The following AMBRA1 variants were observed in gnomAD, a reference collection of about 807,000 sequenced individuals.
AMBRA1 encodes autophagy and beclin 1 regulator 1, also known as activating molecule in BECN1-regulated autophagy protein 1.
AMBRA1 carries 47 observed loss-of-function variants against 125.4 expected under a neutral mutation model. The observed-to-expected ratio is 0.37, with a 90% CI of 0.30 to 0.48. AMBRA1 has a LOEUF of 0.48. Among genes scored for constraint, AMBRA1 ranks in the 20% least tolerant of loss-of-function variants. The pLI is 0.99. For missense variants in AMBRA1, 1,331 were observed against 1,693.4 expected, an observed-to-expected ratio of 0.79 and a Z score of 3.76; for synonymous variants, 626 against 655.5, an observed-to-expected ratio of 0.95 and a Z score of 0.69.
In AMBRA1 at chr11:46,542,914, G is replaced by A. The variant is rs779198762; in HGVS notation, c.1103C>T (p.Pro368Leu). 24 of 1,611,622 alleles carry A rather than the reference G, an allele frequency of 1.5e-5. No individual in the cohort carries two copies. Among genetic ancestry groups the A allele is most frequent in the Admixed American group, 3.3e-5 (2 of 60,010 alleles). The change falls in exon 7 of 18, where the codon CCG becomes CTG. Residue 368 changes from proline (P) to leucine (L), a missense_variant. Coordinates refer to ENST00000683756, the MANE Select transcript of AMBRA1 (RefSeq NM_001387011.1). This position sits in a 1 kb window ranked among gnomAD's most constrained non-coding sequence, Gnocchi z 5.9. Reference protein sequence around the residue: ...TQQDQGLLNRPSAFSTVQSST... With the variant: ...TQQDQGLLNRLSAFSTVQSST... ...GCTCTGGACTGTACTGAAGGCAGAC[G>A]GCCGGTTCAGGAGGCCCTGGTCCTG...
chr11:46,571,623 CA>C (rs1394973897), intron 1 of AMBRA1, among the ~76,000 whole-genome samples: 1 of 151,396 alleles, frequency 6.6e-6, no homozygotes, highest in Non-Finnish European at 1.5e-5. Context: ...TGCAGTAAGC[CA>C]TGGTTTGTGT....
At chr11:46,546,793 G>A (rs920869997) in intron 4 of AMBRA1, among the ~76,000 whole-genome samples, 9 of 152,102 alleles carry the variant, frequency 5.9e-5, no homozygotes, top group African/African-American at 9.7e-5. Context: ...AAAAGAAGCC[G>A]GGCATGGTGG....
At chr11:46,573,059 C>G (rs908076947) in intron 1 of AMBRA1, among the ~76,000 whole-genome samples, 10 of 150,482 alleles carry the variant, frequency 6.6e-5, no homozygotes, top group African/African-American at 2.5e-4. Context: ...CAAGATCGCG[C>G]CATTGCACTC....
At chr11:46,421,740 C>T (rs1310856811) in intron 14 of AMBRA1, among the ~76,000 whole-genome samples, 6 of 152,220 alleles carry the variant, frequency 3.9e-5, no homozygotes. Context: ...ACTATCTGGA[C>T]AAGTTTCTCA....
At chr11:46,584,801 G>C (rs891973407) in intron 1 of AMBRA1, among the ~76,000 whole-genome samples, 1 of 152,148 alleles carries the variant, frequency 6.6e-6, no homozygotes, top group African/African-American at 2.4e-5. Flanking sequence ...GCCAGGCTCA[G>C]TGGCTAACAC....
Position 46,542,369 on chromosome 11 carries a change from T to C in AMBRA1, c.1648A>G (p.Thr550Ala). 1 of 1,613,950 alleles carries C rather than the reference T, an allele frequency of 6.2e-7. No homozygotes were observed. The change falls in exon 7 of 18, where the codon ACC (threonine) becomes GCC (alanine). Residue 550 changes from threonine (T) to alanine (A), a missense_variant. Thr to Ala is a moderately conservative substitution (Grantham distance 58, BLOSUM62 0). Around this residue, in one of 4 missense-constraint regions of AMBRA1, gnomAD observed 689 missense variants for 776.5 expected, o/e 0.89. Coordinates refer to ENST00000683756, the MANE Select transcript of AMBRA1 (RefSeq NM_001387011.1). This position sits in a 1 kb window ranked among gnomAD's most constrained non-coding sequence, Gnocchi z 5.9. Reference protein sequence around the residue: ...SERPGPSHQPTPHSSENNSNL... With the variant: ...SERPGPSHQPAPHSSENNSNL... Reference sequence around the variant, plus strand: ...GAGTTGTTCTCACTGCTGTGTGGGGTGGGCTGGTGGGAAGGGCCTGGCCTC... The same window carrying C: ...GAGTTGTTCTCACTGCTGTGTGGGGCGGGCTGGTGGGAAGGGCCTGGCCTC...
rs1945519674 is a variant in AMBRA1 at position 46,397,634 on chromosome 11, G to A, written c.3713C>T (p.Thr1238Ile). ...TGGCTGGGTTGGCTCCCGCCCAGGGGTACCAGGCTGGTCCCAGGAAGCTGT... is the reference window on the plus strand; with the variant it reads ...TGGCTGGGTTGGCTCCCGCCCAGGGATACCAGGCTGGTCCCAGGAAGCTGT... ...PRTASWDQPG[T>I]PGREPTQPTL... Residue 1238 changes from threonine to isoleucine, a missense_variant, in exon 18 of 18, where the codon ACC (threonine) becomes ATC (isoleucine). Thr to Ile is a moderately conservative substitution (Grantham distance 89). Transcript: ENST00000683756. The A allele has an allele frequency of 4.3e-6, 7 of 1,612,262 alleles. No homozygotes were observed. The highest frequency in any genetic ancestry group is 1.6e-4 in the Middle Eastern group (1 of 6,072).
chr11:46,495,276 G>A (rs1950592833), intron 9 of AMBRA1: 1 of 152,148 alleles, frequency 6.6e-6, no homozygotes, highest in Admixed American at 6.5e-5. Context: ...TTCTCCCTTT[G>A]GATTATCTTC....
At chr11:46,479,051 T>C (rs1249611758) in intron 11 of AMBRA1, among the ~76,000 whole-genome samples, 1 of 151,864 alleles carries the variant, frequency 6.6e-6, no homozygotes, top group Non-Finnish European at 1.5e-5. Flanking sequence ...ATACCAAAAT[T>C]AGCCAGGCAT....
At chr11:46,526,033 C>T (rs1951955956) in intron 7 of AMBRA1, among the ~76,000 whole-genome samples, 1 of 151,790 alleles carries the variant, frequency 6.6e-6, no homozygotes, top group African/African-American at 2.4e-5. Flanking sequence ...TGGAGAAACC[C>T]CATCTCTACT....
At chr11:46,418,082 G>C (rs753502805) in intron 14 of AMBRA1, 30 bp from the exon 15 acceptor site, 2 of 1,523,176 alleles carry the variant, frequency 1.3e-6, no homozygotes, top group African/African-American at 1.4e-5. Context: ...GAAAAAAAGA[G>C]AATGGGAGGA....
chr11:46,508,092 G>C (rs1167274315), intron 9 of AMBRA1, 99 bp downstream of exon 9: 5 of 1,281,132 alleles, frequency 3.9e-6, no homozygotes, highest in Non-Finnish European at 5.5e-6. Context: ...GAGGAGTTGG[G>C]AGCAAGAACA....
At chr11:46,588,149 A>G (rs1052772197) in intron 1 of AMBRA1, among the ~76,000 whole-genome samples, 3 of 152,212 alleles carry the variant, frequency 2.0e-5, no homozygotes, top group Non-Finnish European at 4.4e-5. Flanking sequence ...CCTGGCCAAC[A>G]TGGTGAAACC....
intron 7 of AMBRA1, among the ~76,000 whole-genome samples, chr11:46,534,225 G>A (rs192247459): frequency 1.3e-5 from 2 of 151,278 alleles, no homozygotes; most frequent in African/African-American, 4.9e-5. Context: ...AGGTGCGGTG[G>A]CTCAGGCCTA....
chr11:46,525,233 T>A (rs1951917831), intron 7 of AMBRA1, among the ~76,000 whole-genome samples: 1 of 152,074 alleles, frequency 6.6e-6, no homozygotes, highest in Non-Finnish European at 1.5e-5. Flanking sequence ...CCATGGACGT[T>A]GAGGCTGCAG....
At chr11:46,486,484 G>C (rs1950268736) in intron 11 of AMBRA1, among the ~76,000 whole-genome samples, 2 of 152,350 alleles carry the variant, frequency 1.3e-5, no homozygotes, top group Non-Finnish European at 1.5e-5. Flanking sequence ...CTAAAAGTTA[G>C]CAAGCCTGAG....
intron 11 of AMBRA1, among the ~76,000 whole-genome samples, chr11:46,466,918 T>C (rs1590879586): frequency 1.2e-5 from 1 of 84,754 alleles, no homozygotes; most frequent in Non-Finnish European, 2.0e-5. Context: ...TTCTTTTCTT[T>C]TTTCTTTTTT....
chr11:46,568,472 C>A (rs1021032037), intron 1 of AMBRA1, among the ~76,000 whole-genome samples: 1 of 150,188 alleles, frequency 6.7e-6, no homozygotes, highest in South Asian at 2.1e-4. Context: ...AAACAAAAAA[C>A]AAAAAACAAA....
intron 1 of AMBRA1, among the ~76,000 whole-genome samples, chr11:46,556,904 A>T (rs952728386): frequency 2.6e-5 from 4 of 152,202 alleles, no homozygotes; most frequent in African/African-American, 9.6e-5. Context: ...TGGGAGGCTG[A>T]GGCGGGTGGA....
Sources: allele counts gnomAD v4.1 joint callset (sites outside exome capture counted in the v4.1 genomes callset), GRCh38; gene constraint gnomAD v4.1.1; regional missense constraint gnomAD v4.1.1; non-coding constraint Gnocchi (gnomAD v3.1); transcripts MANE v1.5; gene names NCBI Gene and HGNC (gene_info 2026-07-23, HGNC 2026-07-21).